NRG1: variants seen among roughly 807,000 people sequenced by gnomAD.
NRG1 encodes the protein pro-neuregulin-1, membrane-bound isoform.
In NRG1, 18 loss-of-function variants were observed where a neutral mutation model predicts 63.8. The ratio of observed to expected loss-of-function variants is 0.28; its 90% CI spans 0.19 to 0.42. The LOEUF is 0.42. Among genes scored for constraint, NRG1 ranks in the 10% least tolerant of loss-of-function variants. The pLI, the probability that NRG1 is intolerant of heterozygous loss-of-function variation, is 1.00. For missense variants in NRG1, 762 were observed against 814.7 expected (o/e 0.94, Z 0.79); for synonymous variants, 302 against 301.3 (o/e 1.00, Z -0.02).
At chr8:32,741,769 C>A (rs137958455) in intron 6 of NRG1, among the ~76,000 whole-genome samples, 1 of 152,298 alleles carries the variant, frequency 6.6e-6, no homozygotes, top group African/African-American at 2.4e-5. Context: ...TTCAACTTCA[C>A]TCTAGTTAAA....
chr8:32,157,049 C>T (rs943619680), intron 1 of NRG1, among the ~76,000 whole-genome samples: 21 of 140,920 alleles, frequency 1.5e-4, no homozygotes, highest in African/African-American at 5.1e-4. Flanking sequence ...AATTAAAACT[C>T]GTGTGTGTGT....
At chr8:32,610,938 T>C (rs1416145221) in intron 3 of NRG1, among the ~76,000 whole-genome samples, 2 of 152,120 alleles carry the variant, frequency 1.3e-5, no homozygotes, top group Admixed American at 1.3e-4. Context: ...CTACACACTA[T>C]ATGTTCATTT....
intron 1 of NRG1, among the ~76,000 whole-genome samples, chr8:31,674,606 T>C (rs1279177652): frequency 6.6e-6 from 1 of 152,158 alleles, no homozygotes; most frequent in Non-Finnish European, 1.5e-5. Context: ...TCATGCCTTC[T>C]TGAGGCTTAC....
At chr8:32,608,428 T>TATGTTG (rs1180926312) in intron 3 of NRG1, among the ~76,000 whole-genome samples, 1 of 152,074 alleles carries the variant, frequency 6.6e-6, no homozygotes, top group Non-Finnish European at 1.5e-5. Flanking sequence ...ACTGTGGAAC[T>TATGTTG]CCTGAGTTCA....
At chr8:32,421,852 A>G (rs1474855687) in intron 1 of NRG1, among the ~76,000 whole-genome samples, 1 of 152,190 alleles carries the variant, frequency 6.6e-6, no homozygotes, top group African/African-American at 2.4e-5. Flanking sequence ...ATTAATGCAG[A>G]TACATGAAAA....
In NRG1 at chr8:32,297,298, A is replaced by G. The variant is rs1439760116; in HGVS notation, c.38-298530A>G. Among the ~76,000 whole-genome samples the G allele has an allele frequency of 2.0e-5, 3 of 152,306 alleles. No homozygotes were observed. The South Asian group carries it at 6.2e-4, about 32-fold the overall frequency. On this transcript the variant is annotated intron_variant, in intron 1 of 10. Transcript: ENST00000519301. ...AAATAGCTTGGCATTACATAAAAGC[A>G]ATCCCTTCAGGTCTGAATAAAACCA... is the stretch of plus-strand genomic sequence containing the variant.
chr8:31,828,441 T>A (rs577252383), intron 1 of NRG1, among the ~76,000 whole-genome samples: 1 of 152,284 alleles, frequency 6.6e-6, no homozygotes, highest in South Asian at 2.1e-4. Flanking sequence ...GGAGCTAAGG[T>A]CATGGCAGAA....
intron 5 of NRG1, chr8:32,647,599 C>T: frequency 1.4e-6 from 2 of 1,425,002 alleles, no homozygotes; most frequent in South Asian, 3.4e-5. Context: ...TTAATAATGG[C>T]CTTGGACTTG....
chr8:32,728,025 A>C (rs772793594), exon 6 of NRG1: 2 of 1,613,946 alleles, frequency 1.2e-6, no homozygotes. Flanking sequence ...GTGTGAATGG[A>C]GGGGAGTGCT....
chr8:32,390,775 A>T (rs1811650307), intron 1 of NRG1, among the ~76,000 whole-genome samples: 1 of 152,148 alleles, frequency 6.6e-6, no homozygotes. Flanking sequence ...CCTAGACCAG[A>T]AGCTCCTAAA....
At chr8:32,405,565 T>C (rs755132669) in intron 1 of NRG1, among the ~76,000 whole-genome samples, 5 of 152,146 alleles carry the variant, frequency 3.3e-5, no homozygotes, top group Non-Finnish European at 7.3e-5. Context: ...TTCTCTCTCT[T>C]TTTTTTCTCT....
chr8:31,860,678 A>G (rs1396918882), intron 1 of NRG1, among the ~76,000 whole-genome samples: 3 of 152,198 alleles, frequency 2.0e-5, no homozygotes, highest in Non-Finnish European at 2.9e-5. Context: ...AACAATGATT[A>G]TTTGGCGTGT....
chr8:32,186,909 A>G (rs16878953), intron 1 of NRG1, among the ~76,000 whole-genome samples: 26,678 of 152,094 alleles, frequency 0.18, 2,505 homozygotes, highest in East Asian at 0.26. Flanking sequence ...CCTGGTCTTT[A>G]CCACACACAG....
chr8:32,773,639 C>T (rs1454524051), intron 7 of NRG1, among the ~76,000 whole-genome samples: 2 of 152,162 alleles, frequency 1.3e-5, no homozygotes, highest in Non-Finnish European at 2.9e-5. Flanking sequence ...CTTGTTTATG[C>T]TCTTATCAGC....
At chr8:32,041,624 A>T (rs1468242439) in intron 1 of NRG1, among the ~76,000 whole-genome samples, 1 of 152,172 alleles carries the variant, frequency 6.6e-6, no homozygotes, top group African/African-American at 2.4e-5. Context: ...CAGGTTTCTA[A>T]AGCTCTCAGG....
chr8:32,051,231 G>T (rs959801660), intron 1 of NRG1, among the ~76,000 whole-genome samples: 2 of 151,994 alleles, frequency 1.3e-5, no homozygotes, highest in Non-Finnish European at 2.9e-5. Context: ...TTTAAAATAC[G>T]TCTTGACTAC....
chr8:32,314,141 A>G (rs1857112130), intron 1 of NRG1, among the ~76,000 whole-genome samples: 1 of 151,846 alleles, frequency 6.6e-6, no homozygotes, highest in Non-Finnish European at 1.5e-5. Flanking sequence ...AATTCATCAC[A>G]TGCTTAGTCT....
intron 5 of NRG1, among the ~76,000 whole-genome samples, chr8:32,691,939 T>A (rs1475993975): frequency 6.6e-6 from 1 of 152,224 alleles, no homozygotes; most frequent in Non-Finnish European, 1.5e-5. Flanking sequence ...CTTTATCATG[T>A]CATCATAATC....
intron 1 of NRG1, among the ~76,000 whole-genome samples, chr8:31,824,140 T>C (rs923888125): frequency 2.0e-5 from 3 of 151,302 alleles, no homozygotes; most frequent in Non-Finnish European, 4.4e-5. Context: ...TTACATTAGG[T>C]ATATCTCCTA....
Sources: gnomAD v4.1 joint callset for allele counts (sites outside exome capture counted in the v4.1 genomes callset) on GRCh38, gnomAD v4.1.1 for gene constraint, MANE v1.5 for transcripts, NCBI Gene and HGNC (gene_info 2026-07-23, HGNC 2026-07-21) for gene names.